The following EXOSC10 variants were observed in gnomAD, a reference collection of about 807,000 sequenced individuals.
The protein encoded by EXOSC10 is exosome complex component 10.
In EXOSC10, 94 loss-of-function variants were observed where a neutral mutation model predicts 126.6. That is an observed-to-expected ratio of 0.74 (90% CI 0.63 to 0.88). EXOSC10 has a LOEUF of 0.88. Among genes scored for constraint, EXOSC10 ranks in the 40% least tolerant of loss-of-function variants. The pLI is 0.00. For synonymous variants in EXOSC10, 395 were observed against 400.8 expected (o/e 0.99, Z 0.17); for missense variants, 1,041 against 1,100.5 (o/e 0.95, Z 0.77).
intron 17 of EXOSC10, 144 bp from the exon 18 acceptor site, chr1:11,074,470 T>TGG: frequency 1.7e-6 from 1 of 596,594 alleles, no homozygotes; most frequent in South Asian, 1.9e-5. Flanking sequence ...TGGAGTACAG[T>TGG]GGTGTGATCT....
chr1:11,094,066 C>A (rs1640937224), intron 3 of EXOSC10, among the ~76,000 whole-genome samples: 1 of 152,014 alleles, frequency 6.6e-6, no homozygotes, highest in African/African-American at 2.4e-5. Flanking sequence ...GGTGACAGAG[C>A]AAGACTTCAG....
At position 11,099,861 on chromosome 1, in the gene EXOSC10, G is replaced by A. The variant is rs1183091290; in HGVS notation, c.-30C>T. ...TCAGCCTGCACGGCTCGTCTCGCGA[G>A]AGCTTGTCGGCCGAGGAGACGGGAC... On this transcript the variant is annotated 5_prime_UTR_variant, in exon 1 of 25. Coordinates refer to ENST00000376936, the MANE Select transcript of EXOSC10 (RefSeq NM_001001998.3). 1.3e-6 allele frequency: 2 copies of A among 1,575,316 alleles called. No individual in the cohort carries two copies. Among genetic ancestry groups the A allele is most frequent in the Non-Finnish European group, 1.7e-6 (2 of 1,160,312 alleles).
At chr1:11,070,618 G>T in intron 21 of EXOSC10, 1 of 342,238 alleles carries the variant, frequency 2.9e-6, no homozygotes, top group Non-Finnish European at 5.3e-6. Context: ...CACACAACAA[G>T]CTTCAGCACT....
chr1:11,099,697 AC>A, intron 1 of EXOSC10, 23 bp downstream of exon 1: 1 of 1,578,048 alleles, frequency 6.3e-7, no homozygotes, highest in East Asian at 2.3e-5. Flanking sequence ...GACTCCTGGT[AC>A]CCCCGAGGCC....
intron 17 of EXOSC10, among the ~76,000 whole-genome samples, chr1:11,074,874 T>G (rs1639726040): frequency 6.6e-6 from 1 of 152,164 alleles, no homozygotes; most frequent in Non-Finnish European, 1.5e-5. Flanking sequence ...GAGGTGGTAT[T>G]ACTCTCACCA....
chr1:11,071,539 A>C (rs1570789923), intron 20 of EXOSC10: 1 of 162,260 alleles, frequency 6.2e-6, no homozygotes, highest in African/African-American at 2.4e-5. Flanking sequence ...CCCTTCCTGG[A>C]CTCCCATCCT....
In EXOSC10 at chr1:11,068,027, G is replaced by T. The variant is rs1392117021; in HGVS notation, c.2608C>A (p.Pro870Thr). 1.2e-6 allele frequency: 2 copies of T among 1,614,164 alleles called. No homozygotes were observed. The highest frequency in any genetic ancestry group is 3.3e-5 in the Admixed American group (2 of 60,016). Residue 870 changes from proline (P) to threonine (T), a missense_variant, in exon 24 of 25, where the codon CCA becomes ACA. Physicochemically the swap from Pro to Thr is conservative, Grantham distance 38. Coordinates refer to ENST00000376936, the MANE Select transcript of EXOSC10 (RefSeq NM_001001998.3). ...ACATACCTGTCTGACTTTCCAGTTGGAAAGGACATGCTTTTGTTTCCCACC... is the reference window on the plus strand; with the variant it reads ...ACATACCTGTCTGACTTTCCAGTTGTAAAGGACATGCTTTTGTTTCCCACC... ...QSVGNKSMSF[P>T]TGKSDRGFRY...
intron 5 of EXOSC10, 121 bp downstream of exon 5, chr1:11,090,893 C>G (rs758336421): frequency 1.3e-4 from 141 of 1,072,236 alleles, no homozygotes; most frequent in Non-Finnish European, 1.9e-4. Flanking sequence ...CTGAACTGGG[C>G]TCCCTTTGAA....
intron 14 of EXOSC10, among the ~76,000 whole-genome samples, chr1:11,079,323 G>A (rs577366509): frequency 5.4e-5 from 8 of 147,198 alleles, no homozygotes; most frequent in East Asian, 2.1e-4. Context: ...GCGAGACTCC[G>A]TCTAAAAAAA....
intron 2 of EXOSC10, among the ~76,000 whole-genome samples, chr1:11,097,760 C>A (rs1196208443): frequency 6.6e-6 from 1 of 151,740 alleles, no homozygotes; most frequent in Non-Finnish European, 1.5e-5. Flanking sequence ...TAAGTGTTCA[C>A]GTCCCATTTA....
intron 3 of EXOSC10, among the ~76,000 whole-genome samples, chr1:11,093,953 A>G (rs1004430972): frequency 1.3e-5 from 2 of 152,038 alleles, no homozygotes; most frequent in Admixed American, 6.6e-5. Flanking sequence ...GGTGGTGCAC[A>G]CCTGCAGTCC....
Position 11,095,881 on chromosome 1 carries a change from G to A in EXOSC10, c.249C>T (p.Cys83=). The A allele has an allele frequency of 6.2e-7, 1 of 1,610,142 alleles. No homozygotes were observed. Among genetic ancestry groups the A allele is most frequent in the Non-Finnish European group, 8.5e-7 (1 of 1,177,368 alleles). Residue 83 remains cysteine, a splice_region_variant and synonymous_variant, in exon 3 of 25, where the codon TGC becomes TGT. Transcript: ENST00000376936. ...CETQGDRLLQ[C]MSRVMQYHGC... The stretch of plus-strand genomic sequence containing the variant: ...CATGGTACTGCATTACTCTGCTCAT[G>A]CTAAGGAAAGGAAAACCAAGGTTAG...
intron 2 of EXOSC10, among the ~76,000 whole-genome samples, chr1:11,096,459 C>A (rs1051935962): frequency 7.3e-5 from 10 of 137,186 alleles, no homozygotes; most frequent in African/African-American, 2.4e-4. Context: ...CTTTTTCTTT[C>A]TTTCTTTCTT....
At chr1:11,070,390 G>A (rs919436608) in intron 21 of EXOSC10, among the ~76,000 whole-genome samples, 2 of 151,776 alleles carry the variant, frequency 1.3e-5, no homozygotes, top group African/African-American at 2.4e-5. Context: ...GGGAATGGTG[G>A]TGTGTGCCTG....
intron 3 of EXOSC10, 117 bp downstream of exon 3, chr1:11,095,641 G>A: frequency 1.1e-6 from 1 of 912,762 alleles, no homozygotes; most frequent in South Asian, 1.5e-5. Context: ...GTGAACCCGG[G>A]AGGCAGAGCT....
At chr1:11,082,558 T>C in intron 10 of EXOSC10, 130 bp downstream of exon 10, 1 of 1,510,018 alleles carries the variant, frequency 6.6e-7, no homozygotes, top group African/African-American at 1.4e-5. Flanking sequence ...TGAAGATGCC[T>C]GGCGAAAAGC....
At chr1:11,083,422 T>C (rs9660570) in intron 9 of EXOSC10, among the ~76,000 whole-genome samples, 11,450 of 151,642 alleles carry the variant, frequency 0.076, 649 homozygotes, top group East Asian at 0.15. Context: ...ATTAGCCGGG[T>C]GTGGTGGCGC....
chr1:11,069,534 G>A (rs201398415), intron 22 of EXOSC10, 25 bp downstream of exon 22: 2 of 1,609,538 alleles, frequency 1.2e-6, no homozygotes, highest in Admixed American at 1.7e-5. Context: ...AGATGTCCCT[G>A]TATGGGGCCC....
intron 24 of EXOSC10, 24 bp from the exon 25 acceptor site, chr1:11,066,772 G>A: frequency 6.2e-7 from 1 of 1,613,866 alleles, no homozygotes; most frequent in South Asian, 1.1e-5. Flanking sequence ...AAAAACAACA[G>A]TTATTTCTTC....
Sources: gnomAD v4.1 joint callset for allele counts (sites outside exome capture counted in the v4.1 genomes callset) on GRCh38, gnomAD v4.1.1 for gene constraint, MANE v1.5 for transcripts, NCBI Gene and HGNC (gene_info 2026-07-23, HGNC 2026-07-21) for gene names.